The following CNTN1 variants were observed in gnomAD, a reference collection of about 807,000 sequenced individuals.
CNTN1 encodes contactin 1, also known as contactin-1.
A neutral mutation model predicts 126.4 loss-of-function variants in CNTN1; 38 were observed. That is an observed-to-expected ratio of 0.30 (90% CI 0.23 to 0.39). CNTN1 has a LOEUF of 0.39. Among genes scored for constraint, CNTN1 ranks in the 10% least tolerant of loss-of-function variants. The pLI is 1.00. For synonymous variants in CNTN1, 413 were observed against 422.6 expected, an observed-to-expected ratio of 0.98 and a Z score of 0.28; for missense variants, 1,009 against 1,248.4, an observed-to-expected ratio of 0.81 and a Z score of 2.89.
At chr12:40,812,322 G>C (rs1941094943) in intron 1 of CNTN1, among the ~76,000 whole-genome samples, 1 of 152,054 alleles carries the variant, frequency 6.6e-6, no homozygotes, top group Non-Finnish European at 1.5e-5. Context: ...AGAGAATGCT[G>C]TGTGTACACT....
chr12:40,974,128 T>G (rs923930434), intron 15 of CNTN1, among the ~76,000 whole-genome samples: 2 of 152,190 alleles, frequency 1.3e-5, no homozygotes, highest in Non-Finnish European at 2.9e-5. Flanking sequence ...GAATGAAAAC[T>G]GAGTAAAAAT....
rs1187019013 is a variant in CNTN1 at position 40,737,357 on chromosome 12, GTGTA to G, written c.-77+44767_-77+44770del. The stretch of plus-strand genomic sequence containing the variant: ...TGTGTGTGTGTGTATATATGTGTGT[GTGTA>G]TATATATATATATATATATATGAGT... On this transcript the variant is annotated intron_variant, in intron 1 of 23. Coordinates refer to ENST00000551295, the MANE Select transcript of CNTN1 (RefSeq NM_001843.4). 4.8e-5 allele frequency among the ~76,000 whole-genome samples: 5 copies of G among 105,092 alleles called. No homozygotes were observed. The East Asian group carries it at 8.6e-4, about 18-fold the overall frequency. 68.9% of individuals were successfully genotyped at this position (105,092 alleles called of 152,430 possible).
intron 1 of CNTN1, among the ~76,000 whole-genome samples, chr12:40,711,791 T>A (rs756357003): frequency 6.6e-6 from 1 of 152,078 alleles, no homozygotes; most frequent in Non-Finnish European, 1.5e-5. Flanking sequence ...TAGCTCACCA[T>A]AACCTCAAAC....
chr12:40,746,982 T>G (rs1288301002), intron 1 of CNTN1, among the ~76,000 whole-genome samples: 1 of 152,040 alleles, frequency 6.6e-6, no homozygotes, highest in Non-Finnish European at 1.5e-5. Context: ...TGCCTGGCCA[T>G]CACCTGATGG....
intron 1 of CNTN1, among the ~76,000 whole-genome samples, chr12:40,900,109 A>T (rs1363405681): frequency 6.6e-6 from 1 of 152,144 alleles, no homozygotes; most frequent in Non-Finnish European, 1.5e-5. Context: ...GCTTTGACAG[A>T]TATGGATGTT....
chr12:40,921,138 G>GT lies in CNTN1; in HGVS notation c.228-1114dup, dbSNP rs1422328477. The stretch of plus-strand genomic sequence containing the variant: ...TAAGTTTTAAAAATGCAAAATCACA[G>GT]TTTTCTATACTTGCTTTTAAATTAT... On this transcript the variant is annotated intron_variant, in intron 4 of 23. Coordinates refer to ENST00000551295, the MANE Select transcript of CNTN1 (RefSeq NM_001843.4). Among the ~76,000 whole-genome samples, 27 of 152,156 alleles carry GT rather than the reference G, an allele frequency of 1.8e-4. 1 individual carries two copies. Among genetic ancestry groups the GT allele is most frequent in the Non-Finnish European group, 3.8e-4 (26 of 68,020 alleles).
Position 40,944,077 on chromosome 12 carries a change from T to C in CNTN1, c.1590T>C (p.Phe530=). The C allele has an allele frequency of 6.2e-7, 1 of 1,613,674 alleles. No individual in the cohort carries two copies. The highest frequency in any genetic ancestry group is 1.1e-5 in the South Asian group (1 of 91,072). ...ENATMQCAAS[F]DPALDLTFVW... ...CCACCATGCAGTGTGCTGCGTCCTT[T>C]GATCCTGCCTTGGATCTCACATTTG... The change falls in exon 14 of 24, where the codon TTT becomes TTC. Residue 530 remains phenylalanine, a synonymous_variant. Coordinates refer to ENST00000551295, the MANE Select transcript of CNTN1 (RefSeq NM_001843.4).
intron 1 of CNTN1, among the ~76,000 whole-genome samples, chr12:40,844,007 G>A (rs1942390686): frequency 6.7e-6 from 1 of 149,714 alleles, no homozygotes; most frequent in African/African-American, 2.4e-5. Context: ...GTGCGTGAAT[G>A]CCAATATTGT....
At chr12:40,856,976 A>C (rs755425705) in intron 1 of CNTN1, among the ~76,000 whole-genome samples, 1 of 152,142 alleles carries the variant, frequency 6.6e-6, no homozygotes, top group African/African-American at 2.4e-5. Context: ...TAAAGCAACT[A>C]TACAATATAT....
Position 40,767,147 on chromosome 12 carries a change from G to C in CNTN1, c.-77+74555G>C, listed in dbSNP as rs149231642. 6.7e-3 allele frequency among the ~76,000 whole-genome samples: 1,015 copies of C among 152,066 alleles called. 18 individuals carry two copies. Among genetic ancestry groups the C allele is most frequent in the African/African-American group, 0.023 (948 of 41,492 alleles). ...TATATATTTTTAATATGATCAAGGA[G>C]AGTATTTAGAAATTTCAAATTTCCA... is the stretch of plus-strand genomic sequence containing the variant. On this transcript the variant is annotated intron_variant, in intron 1 of 23. Coordinates refer to ENST00000551295, the MANE Select transcript of CNTN1 (RefSeq NM_001843.4).
At position 40,988,405 on chromosome 12, in the gene CNTN1, A is replaced by G. The variant is rs187015480; in HGVS notation, c.1964-4715A>G. On this transcript the variant is annotated intron_variant, in intron 16 of 23. Transcript: ENST00000551295. ...GGTAACTTGTAAAAGTCTACAATGG[A>G]GGGGCTTACATTGGCTGGAGTTATT... Among the ~76,000 whole-genome samples, 49 of 152,254 alleles carry G rather than the reference A, an allele frequency of 3.2e-4. No individual in the cohort carries two copies. In the East Asian group the frequency reaches 6.4e-3, roughly 20 times the overall value.
chr12:40,972,709 C>A, intron 15 of CNTN1: 3 of 943,522 alleles, frequency 3.2e-6, no homozygotes, highest in Non-Finnish European at 3.8e-6. Context: ...GACTAGAGAT[C>A]CAGATTAATT....
intron 1 of CNTN1, among the ~76,000 whole-genome samples, chr12:40,879,447 A>AAG (rs1234402355): frequency 6.6e-6 from 1 of 152,172 alleles, no homozygotes; most frequent in Non-Finnish European, 1.5e-5. Flanking sequence ...AAATTCCCCA[A>AAG]AGAGAAATAA....
Position 41,025,302 on chromosome 12 carries a change from A to G in CNTN1, c.2676A>G (p.Pro892=), listed in dbSNP as rs2120820892. The change falls in exon 21 of 24, where the codon CCA becomes CCG. Residue 892 remains proline (P), a synonymous_variant. Transcript: ENST00000551295. ...GACNSAGCGP[P]SDMIEAFTKK... ...GCAATAGTGCAGGGTGTGGACCTCC[A>G]AGTGACATGATTGAGGCTTTCACCA... 2 of 1,613,600 alleles carry G rather than the reference A, an allele frequency of 1.2e-6. No individual in the cohort carries two copies. Among genetic ancestry groups the G allele is most frequent in the South Asian group, 1.1e-5 (1 of 91,074 alleles).
intron 9 of CNTN1, 50 bp from the exon 10 acceptor site, chr12:40,936,731 A>G (rs764958702): frequency 1.9e-6 from 3 of 1,606,302 alleles, no homozygotes; most frequent in African/African-American, 1.3e-5. Context: ...GGAGATTATG[A>G]TGGATCTTGA....
At chr12:40,871,868 G>A (rs1035386790) in intron 1 of CNTN1, among the ~76,000 whole-genome samples, 8 of 152,094 alleles carry the variant, frequency 5.3e-5, no homozygotes, top group Non-Finnish European at 8.8e-5. Flanking sequence ...CCAACTATGA[G>A]AAGGAAAAAC....
intron 1 of CNTN1, among the ~76,000 whole-genome samples, chr12:40,747,840 CA>C (rs1326611298): frequency 1.3e-5 from 2 of 152,032 alleles, no homozygotes; most frequent in African/African-American, 2.4e-5. Flanking sequence ...TTACAAGCAA[CA>C]AAAAACTACT....
intron 1 of CNTN1, among the ~76,000 whole-genome samples, chr12:40,874,002 G>T (rs1234307996): frequency 6.6e-6 from 1 of 152,048 alleles, no homozygotes; most frequent in Non-Finnish European, 1.5e-5. Flanking sequence ...TATTTGATTT[G>T]AAAATCTTGT....
intron 1 of CNTN1, among the ~76,000 whole-genome samples, chr12:40,731,968 T>C (rs892394143): frequency 2.2e-4 from 33 of 152,140 alleles, no homozygotes; most frequent in African/African-American, 7.9e-4. Flanking sequence ...TTATGAACTC[T>C]TGGGGAACAG....
Sources: gnomAD v4.1 joint callset for allele counts (sites outside exome capture counted in the v4.1 genomes callset) on GRCh38, gnomAD v4.1.1 for gene constraint, MANE v1.5 for transcripts, NCBI Gene and HGNC (gene_info 2026-07-23, HGNC 2026-07-21) for gene names.